ATP8A2: variants seen among roughly 807,000 people sequenced by gnomAD.
ATP8A2 encodes phospholipid-transporting ATPase IB.
Under a neutral mutation model 165.6 loss-of-function variants are expected in ATP8A2, and 100 were observed. The observed-to-expected ratio is 0.60, with a 90% CI of 0.51 to 0.71. ATP8A2 has a LOEUF of 0.71. ATP8A2 is among the 30% of genes least tolerant of loss of function. The probability of loss-of-function intolerance (pLI) is 0.00; values close to 1 mark genes in which losing one functional copy is unlikely to be tolerated. For synonymous variants in ATP8A2, 543 were observed against 548.8 expected (o/e 0.99, Z 0.15); for missense variants, 1,227 against 1,479.5 (o/e 0.83, Z 2.80).
At chr13:25,397,707 C>T (rs1219981906) in intron 1 of ATP8A2, among the ~76,000 whole-genome samples, 2 of 152,140 alleles carry the variant, frequency 1.3e-5, no homozygotes, top group African/African-American at 4.8e-5. Flanking sequence ...CTCATCAGGT[C>T]CTGAGAACAT....
intron 30 of ATP8A2, among the ~76,000 whole-genome samples, chr13:25,859,338 C>T (rs536980784): frequency 6.6e-6 from 1 of 152,154 alleles, no homozygotes; most frequent in African/African-American, 2.4e-5. Flanking sequence ...AACAAACCTG[C>T]GCATGTACCC....
chr13:25,797,785 G>A (rs543035212), intron 27 of ATP8A2, among the ~76,000 whole-genome samples: 30 of 152,088 alleles, frequency 2.0e-4, no homozygotes, highest in Non-Finnish European at 4.4e-5. Flanking sequence ...ACTCATAATG[G>A]CACTTTTTTT....
intron 27 of ATP8A2, among the ~76,000 whole-genome samples, chr13:25,779,419 G>A (rs1432995041): frequency 3.3e-5 from 5 of 151,968 alleles, no homozygotes; most frequent in South Asian, 4.2e-4. Flanking sequence ...GCAGGGGGGC[G>A]GTGTGTATTC....
chr13:25,833,873 C>CT (rs1236110597), intron 28 of ATP8A2, among the ~76,000 whole-genome samples: 1 of 152,076 alleles, frequency 6.6e-6, no homozygotes, highest in Non-Finnish European at 1.5e-5. Context: ...AACCAATAGA[C>CT]AAAGAGTGCA....
Position 25,936,057 on chromosome 13 carries a change from A to G in ATP8A2, c.3184-25518A>G, listed in dbSNP as rs554044185. On this transcript the variant is annotated intron_variant, in intron 33 of 36. Transcript: ENST00000381655. ...GTAGGTGTTAGCATCAGCCTTAGAA[A>G]TGGGGTATGTCATTCATCAAGTACC... Among the ~76,000 whole-genome samples, 4 of 152,316 alleles carry G rather than the reference A, an allele frequency of 2.6e-5. No individual in the cohort carries two copies. In the East Asian group the frequency reaches 7.7e-4, roughly 29 times the overall value.
At position 25,484,896 on chromosome 13, in the gene ATP8A2, T is replaced by C. The variant is rs117101265; in HGVS notation, c.221+15775T>C. Among the ~76,000 whole-genome samples, 867 of 152,344 alleles carry C rather than the reference T, an allele frequency of 5.7e-3. 7 individuals carry two copies. The highest frequency in any genetic ancestry group is 0.01 in the Non-Finnish European group (683 of 68,022). On this transcript the variant is annotated intron_variant, in intron 2 of 36. Transcript: ENST00000381655. ...GTGAAAGGTGGAAGTTTTGAAAGTA[T>C]TGCTGTCTAGCATATGAAACACGTT... is the stretch of plus-strand genomic sequence containing the variant.
At chr13:25,923,952 G>T (rs901755220) in intron 33 of ATP8A2, among the ~76,000 whole-genome samples, 3 of 152,170 alleles carry the variant, frequency 2.0e-5, no homozygotes, top group African/African-American at 7.2e-5. Flanking sequence ...TGTCTGGTTT[G>T]TTAAATGATG....
At chr13:25,401,189 A>G (rs926808061) in intron 1 of ATP8A2, among the ~76,000 whole-genome samples, 9 of 152,188 alleles carry the variant, frequency 5.9e-5, no homozygotes, top group Non-Finnish European at 1.3e-4. Flanking sequence ...ATTTGAATAC[A>G]TTCTTTTCCT....
intron 25 of ATP8A2, among the ~76,000 whole-genome samples, chr13:25,737,776 A>C (rs573962503): frequency 2.0e-5 from 3 of 152,168 alleles, no homozygotes; most frequent in Non-Finnish European, 4.4e-5. Context: ...TCCACCTCCC[A>C]GGTTCATGCC....
chr13:25,397,077 C>G (rs1593251841), intron 1 of ATP8A2, among the ~76,000 whole-genome samples: 1 of 152,186 alleles, frequency 6.6e-6, no homozygotes, highest in East Asian at 1.9e-4. Flanking sequence ...TTAAATAAAG[C>G]CTTGCTGGAC....
At chr13:25,506,574 C>A (rs2137735676) in intron 2 of ATP8A2, among the ~76,000 whole-genome samples, 1 of 152,266 alleles carries the variant, frequency 6.6e-6, no homozygotes, top group East Asian at 1.9e-4. Flanking sequence ...AGAGTTCTGG[C>A]CAATGAGACG....
intron 24 of ATP8A2, among the ~76,000 whole-genome samples, chr13:25,621,822 C>T (rs1331169230): frequency 3.3e-5 from 5 of 152,124 alleles, no homozygotes; most frequent in African/African-American, 1.2e-4. Context: ...AGTGAGCCCA[C>T]AGTTTTGTCC....
At chr13:25,830,734 T>A (rs868299621) in intron 28 of ATP8A2, among the ~76,000 whole-genome samples, 34 of 152,242 alleles carry the variant, frequency 2.2e-4, no homozygotes, top group African/African-American at 7.5e-4. Flanking sequence ...TTGCATTCTC[T>A]TTCTCCATAC....
chr13:25,690,489 C>A (rs912569684), intron 24 of ATP8A2, among the ~76,000 whole-genome samples: 47 of 152,076 alleles, frequency 3.1e-4, no homozygotes, highest in African/African-American at 1.0e-3. Flanking sequence ...ACAGTGTGTC[C>A]CTGGTATTCT....
chr13:25,536,043 G>GT (rs139487617), intron 6 of ATP8A2, among the ~76,000 whole-genome samples: 9,705 of 152,042 alleles, frequency 0.064, 404 homozygotes, highest in South Asian at 0.13. Context: ...TTGTCTAGTG[G>GT]TTTTTTCTTT....
chr13:25,646,349 C>A (rs1431807537), intron 24 of ATP8A2, among the ~76,000 whole-genome samples: 1 of 151,824 alleles, frequency 6.6e-6, no homozygotes, highest in Admixed American at 6.6e-5. Context: ...TATAGTTTAG[C>A]CTTTAAAAAA....
intron 2 of ATP8A2, among the ~76,000 whole-genome samples, chr13:25,482,977 G>A (rs2036250437): frequency 6.6e-6 from 1 of 152,234 alleles, no homozygotes; most frequent in Non-Finnish European, 1.5e-5. Flanking sequence ...CAGAAGGGAT[G>A]ATGGACAAAG....
chr13:25,663,444 A>G (rs942100632), intron 24 of ATP8A2, among the ~76,000 whole-genome samples: 1 of 152,222 alleles, frequency 6.6e-6, no homozygotes. Context: ...AAAATGAACT[A>G]GAGTACAAAT....
chr13:25,372,774 C>G lies in ATP8A2; in HGVS notation c.76+486C>G, dbSNP rs1394916600. On this transcript the variant is annotated intron_variant, in intron 1 of 36. Coordinates refer to ENST00000381655, the MANE Select transcript of ATP8A2 (RefSeq NM_016529.6). The surrounding 1 kb of genome is among the most constrained non-coding windows in gnomAD (Gnocchi z 4.8). ...CGAAGGGTCCCTCGAGTGATTCTCA[C>G]CACTTGGAGCCCCGGGTCCTCGCGC... Among the ~76,000 whole-genome samples, 1 of 152,212 alleles carries G rather than the reference C, an allele frequency of 6.6e-6. No individual in the cohort carries two copies. The highest frequency in any genetic ancestry group is 1.5e-5 in the Non-Finnish European group (1 of 68,034).
Sources: gnomAD v4.1 joint callset for allele counts (sites outside exome capture counted in the v4.1 genomes callset) on GRCh38, gnomAD v4.1.1 for gene constraint, Gnocchi (gnomAD v3.1) non-coding constraint, MANE v1.5 for transcripts, NCBI Gene and HGNC (gene_info 2026-07-23, HGNC 2026-07-21) for gene names.